Variants in EIF4G3 observed in about 807,000 individuals in gnomAD.
The protein encoded by EIF4G3 is eIF-4-gamma 3.
In EIF4G3, 34 loss-of-function variants were observed where a neutral mutation model predicts 186.4. The ratio of observed to expected loss-of-function variants is 0.18; its 90% CI spans 0.14 to 0.24. The LOEUF (loss-of-function observed/expected upper bound fraction) is 0.24, where lower values mean the gene tolerates loss of function less well. Among genes scored for constraint, EIF4G3 ranks in the 10% least tolerant of loss-of-function variants. EIF4G3 has a pLI of 1.00. For missense variants in EIF4G3, 1,536 were observed against 1,948.5 expected, an observed-to-expected ratio of 0.79 and a Z score of 3.99; for synonymous variants, 673 against 679.5, an observed-to-expected ratio of 0.99 and a Z score of 0.15.
At chr1:20,980,769 C>T (rs1321890438) in intron 9 of EIF4G3, among the ~76,000 whole-genome samples, 3 of 152,264 alleles carry the variant, frequency 2.0e-5, no homozygotes, top group South Asian at 2.1e-4. Flanking sequence ...AGCATAATCA[C>T]TGAGTCCATT....
intron 33 of EIF4G3, 21 bp from the exon 34 acceptor site, chr1:20,817,559 C>T (rs1557763724): frequency 7.4e-6 from 11 of 1,493,786 alleles, no homozygotes; most frequent in Non-Finnish European, 9.9e-6. Context: ...AAAGGTGGAA[C>T]ATATTAATAT....
intron 14 of EIF4G3, among the ~76,000 whole-genome samples, chr1:20,928,419 A>G (rs1379830768): frequency 1.3e-5 from 2 of 151,896 alleles, no homozygotes; most frequent in Non-Finnish European, 2.9e-5. Flanking sequence ...TTTTTCTTTT[A>G]TTTGAGACAG....
chr1:20,901,586 G>C (rs2090314376), intron 15 of EIF4G3, among the ~76,000 whole-genome samples: 1 of 151,998 alleles, frequency 6.6e-6, no homozygotes, highest in Non-Finnish European at 1.5e-5. Flanking sequence ...GTATTACTTA[G>C]AAATTTAATT....
intron 29 of EIF4G3, among the ~76,000 whole-genome samples, chr1:20,843,243 C>T (rs777837930): frequency 2.0e-4 from 31 of 151,718 alleles, no homozygotes; most frequent in Non-Finnish European, 3.2e-4. Flanking sequence ...AGGCTGGAAG[C>T]GGTGGCTCAC....
chr1:21,101,608 AGG>A (rs1553241866), intron 2 of EIF4G3, among the ~76,000 whole-genome samples: 5 of 114,224 alleles, frequency 4.4e-5, no homozygotes, highest in African/African-American at 6.4e-5. Context: ...GGAGGGAGTA[AGG>A]AAGGAACAAA....
intron 10 of EIF4G3, among the ~76,000 whole-genome samples, chr1:20,978,064 C>T (rs1028656854): frequency 2.0e-5 from 3 of 152,142 alleles, no homozygotes; most frequent in Admixed American, 2.0e-4. Flanking sequence ...TCTATTTCAG[C>T]ATGTTCATGC....
At chr1:21,041,230 T>G (rs1316061955) in intron 4 of EIF4G3, among the ~76,000 whole-genome samples, 1 of 152,184 alleles carries the variant, frequency 6.6e-6, no homozygotes, top group Non-Finnish European at 1.5e-5. Context: ...TATTAATCTC[T>G]AGATTACCTC....
chr1:21,029,298 G>T (rs2092501737), intron 4 of EIF4G3, among the ~76,000 whole-genome samples: 1 of 152,046 alleles, frequency 6.6e-6, no homozygotes, highest in South Asian at 2.1e-4. Context: ...GGAATTACAG[G>T]CATGAGCCAC....
At position 20,992,118 on chromosome 1, in the gene EIF4G3, A is replaced by G. The variant is rs530679534; in HGVS notation, c.177+5483T>C. ...TCTTCATTATTTATGCTGCTACTATACAACTCCTTGTGAATGAGATACCAG... is the reference window on the plus strand; with the variant it reads ...TCTTCATTATTTATGCTGCTACTATGCAACTCCTTGTGAATGAGATACCAG... On this transcript the variant is annotated intron_variant, in intron 7 of 36. Coordinates refer to ENST00000602326, the MANE Select transcript of EIF4G3 (RefSeq NM_001391906.1). Among the ~76,000 whole-genome samples the G allele has an allele frequency of 9.8e-5, 15 of 152,314 alleles. No homozygotes were observed. In the South Asian group the frequency reaches 2.7e-3, roughly 27 times the overall value.
intron 4 of EIF4G3, among the ~76,000 whole-genome samples, chr1:21,033,931 T>A (rs966566294): frequency 2.6e-5 from 4 of 151,942 alleles, no homozygotes; most frequent in Non-Finnish European, 4.4e-5. Context: ...TAAAAAAAAA[T>A]TTTACAAATT....
chr1:20,865,322 T>C, intron 20 of EIF4G3, 60 bp from the exon 21 acceptor site: 1 of 1,579,106 alleles, frequency 6.3e-7, no homozygotes, highest in East Asian at 2.3e-5. Context: ...ATTAAAAATA[T>C]CTGTTTGCTT....
chr1:20,884,310 G>A (rs1184408503), intron 19 of EIF4G3, among the ~76,000 whole-genome samples: 2 of 152,212 alleles, frequency 1.3e-5, no homozygotes, highest in South Asian at 2.1e-4. Flanking sequence ...AACAGATTAC[G>A]AGTTATAACA....
Position 20,899,565 on chromosome 1 carries a change from A to G in EIF4G3, c.1999+132T>C, listed in dbSNP as rs867350765. 4 of 1,172,334 alleles carry G rather than the reference A, an allele frequency of 3.4e-6. No individual in the cohort carries two copies. In the African/African-American group the frequency reaches 6.2e-5, roughly 18 times the overall value. The allele number at this position is 1,172,334 out of a possible 1,614,324, so 72.6% of individuals were successfully genotyped here. On this transcript the variant is annotated intron_variant, in intron 16 of 36. Coordinates refer to ENST00000602326, the MANE Select transcript of EIF4G3 (RefSeq NM_001391906.1). ...GCTAGTCACTAACTTGGGCTTGCTG[A>G]TCTGTCCTGTAAATATTATATTGTG...
At chr1:20,984,108 A>C (rs2078886288) in intron 7 of EIF4G3, among the ~76,000 whole-genome samples, 1 of 152,160 alleles carries the variant, frequency 6.6e-6, no homozygotes, top group African/African-American at 2.4e-5. Context: ...CCTAATATTA[A>C]CATATAGCTG....
At chr1:20,864,881 G>A (rs2077214633) in intron 21 of EIF4G3, among the ~76,000 whole-genome samples, 169 bp from the exon 22 acceptor site, 1 of 152,124 alleles carries the variant, frequency 6.6e-6, no homozygotes, top group Non-Finnish European at 1.5e-5. Flanking sequence ...GGAACTCAGT[G>A]ACCTGACTCA....
At chr1:20,981,597 GTATA>G (rs2078095685) in intron 8 of EIF4G3, among the ~76,000 whole-genome samples, 4 of 122,334 alleles carry the variant, frequency 3.3e-5, no homozygotes, top group Admixed American at 3.2e-4. Context: ...ATACATACAT[GTATA>G]CGCACATACT....
At chr1:20,919,918 T>C (rs1055708084) in intron 14 of EIF4G3, among the ~76,000 whole-genome samples, 3 of 144,622 alleles carry the variant, frequency 2.1e-5, no homozygotes, top group Non-Finnish European at 3.2e-5. Context: ...TAATTCTTTT[T>C]TTTTTTTAAG....
chr1:20,833,615 T>A (rs1045426427), intron 30 of EIF4G3, among the ~76,000 whole-genome samples: 5 of 152,178 alleles, frequency 3.3e-5, no homozygotes, highest in Admixed American at 3.3e-4. Context: ...TCCTGCCTAA[T>A]TGCCCTGGCC....
intron 20 of EIF4G3, 119 bp downstream of exon 20, chr1:20,879,204 A>G: frequency 1.5e-6 from 1 of 687,470 alleles, no homozygotes; most frequent in Non-Finnish European, 2.2e-6. Context: ...ATATCAATAA[A>G]TACTAAAAAT....
Sources: allele counts gnomAD v4.1 joint callset (sites outside exome capture counted in the v4.1 genomes callset), GRCh38; gene constraint gnomAD v4.1.1; transcripts MANE v1.5; gene names NCBI Gene and HGNC (gene_info 2026-07-23, HGNC 2026-07-21).